ARHGAP30: variants seen among roughly 807,000 people sequenced by gnomAD.
ARHGAP30 encodes the protein Rho GTPase activating protein 30.
In ARHGAP30, 23 loss-of-function variants were observed where a neutral mutation model predicts 72.0. The ratio of observed to expected loss-of-function variants is 0.32; its 90% CI spans 0.23 to 0.45. The LOEUF (loss-of-function observed/expected upper bound fraction) is 0.45, where lower values mean the gene tolerates loss of function less well. Ranked by LOEUF, ARHGAP30 falls within the 20% of genes least tolerant of loss-of-function variation. The pLI, the probability that ARHGAP30 is intolerant of heterozygous loss-of-function variation, is 1.00. For missense variants in ARHGAP30, 1,319 were observed against 1,383.4 expected (o/e 0.95, Z 0.74); for synonymous variants, 576 against 528.2 (o/e 1.09, Z -1.24).
chr1:161,067,497 G>A (rs1046982174), intron 1 of ARHGAP30, among the ~76,000 whole-genome samples: 13 of 152,000 alleles, frequency 8.6e-5, no homozygotes, highest in African/African-American at 2.9e-4. Flanking sequence ...TTGAACCTGG[G>A]AGGCAGAGGT....
intron 1 of ARHGAP30, among the ~76,000 whole-genome samples, chr1:161,067,978 G>C (rs1456455367): frequency 7.4e-6 from 1 of 135,732 alleles, no homozygotes; most frequent in African/African-American, 2.9e-5. Context: ...GATTCACCTA[G>C]GATCAGGATT....
At chr1:161,064,136 T>G (rs1331535126) in intron 1 of ARHGAP30, among the ~76,000 whole-genome samples, 2 of 152,188 alleles carry the variant, frequency 1.3e-5, no homozygotes, top group Non-Finnish European at 2.9e-5. Flanking sequence ...CTTTTGAAAC[T>G]CTCTAATAAA....
At position 161,069,403 on chromosome 1, in the gene ARHGAP30, T is replaced by G. The variant is rs1275508866; in HGVS notation, c.97+125A>C. The G allele has an allele frequency of 1.1e-6, 1 of 895,254 alleles. No individual in the cohort carries two copies. Among genetic ancestry groups the G allele is most frequent in the Admixed American group, 2.4e-5 (1 of 41,672 alleles). The allele number at this position is 895,254 out of a possible 1,614,324, so 55.5% of individuals were successfully genotyped here. On this transcript the variant is annotated intron_variant, in intron 1 of 11. Transcript: ENST00000368013. This position sits in a 1 kb window ranked among gnomAD's most constrained non-coding sequence, Gnocchi z 4.9. ...GCCCACTTACAGTTCTCTTGAATGGTGACCCCAGGCCACTGCCCCTTCCCC... is the reference window on the plus strand; with the variant it reads ...GCCCACTTACAGTTCTCTTGAATGGGGACCCCAGGCCACTGCCCCTTCCCC...
At chr1:161,052,088 A>C (rs1651445036) in intron 9 of ARHGAP30, among the ~76,000 whole-genome samples, 198 bp downstream of exon 9, 1 of 149,796 alleles carries the variant, frequency 6.7e-6, no homozygotes, top group African/African-American at 2.5e-5. Flanking sequence ...TCCCATACGA[A>C]CACTCATCAA....
rs538155601 is a variant in ARHGAP30, at chr1:161,048,418, G to A, written c.2603C>T (p.Ala868Val). ...TTTGGCACAGTCAACCTCCAGGGAC[G>A]CTACACCTGAACCTTCAGAGAGGGT... ...EDTLSEGSGV[A>V]SLEVDCAKEG... The change falls in exon 12 of 12, where the codon GCG (alanine) becomes GTG (valine). Residue 868 changes from alanine to valine, a missense_variant. By Grantham distance (64) the Ala-to-Val change is moderately conservative. Transcript: ENST00000368013. 11 of 1,614,034 alleles carry A rather than the reference G, an allele frequency of 6.8e-6. No individual in the cohort carries two copies. The highest frequency in any genetic ancestry group is 1.6e-4 in the Middle Eastern group (1 of 6,062).
chr1:161,051,544 C>T lies in ARHGAP30; in HGVS notation c.1190G>A (p.Arg397Gln), dbSNP rs144590603. 13 of 1,614,066 alleles carry T rather than the reference C, an allele frequency of 8.1e-6. No homozygotes were observed. Among genetic ancestry groups the T allele is most frequent in the South Asian group, 2.2e-5 (2 of 91,094 alleles). Reference protein sequence around the residue: ...GTPRAGRSAIRAGGSSRAERC... With the variant: ...GTPRAGRSAIQAGGSSRAERC... ...TTCTGCACGGCTGCTGCCCCCAGCCCGGATGGCTGACCGCCCAGCTCGTGG... is the reference window on the plus strand; with the variant it reads ...TTCTGCACGGCTGCTGCCCCCAGCCTGGATGGCTGACCGCCCAGCTCGTGG... Residue 397 changes from arginine to glutamine, a missense_variant, in exon 10 of 12, where the codon CGG (arginine) becomes CAG (glutamine). This residue lies in a region of ARHGAP30 where 1,097 missense variants were observed against 1,045.2 expected (regional missense o/e 1.05). Coordinates refer to ENST00000368013, the MANE Select transcript of ARHGAP30 (RefSeq NM_001025598.2).
At chr1:161,063,800 A>C (rs944927525) in intron 1 of ARHGAP30, among the ~76,000 whole-genome samples, 2 of 151,850 alleles carry the variant, frequency 1.3e-5, no homozygotes, top group East Asian at 3.9e-4. Context: ...AGGTCTCTGA[A>C]CGCCCCCCCC....
At chr1:161,066,509 G>A (rs932978750) in intron 1 of ARHGAP30, among the ~76,000 whole-genome samples, 2 of 151,268 alleles carry the variant, frequency 1.3e-5, no homozygotes, top group South Asian at 2.1e-4. Context: ...TTAGCCAGGC[G>A]TGGTGGTGCC....
intron 10 of ARHGAP30, among the ~76,000 whole-genome samples, chr1:161,050,932 G>T (rs1651311565): frequency 6.6e-6 from 1 of 152,204 alleles, no homozygotes; most frequent in African/African-American, 2.4e-5. Flanking sequence ...ATGAGCCACG[G>T]CGCCTGGCTG....
At chr1:161,055,663 C>T (rs1429269640) in intron 3 of ARHGAP30, among the ~76,000 whole-genome samples, 1 of 149,498 alleles carries the variant, frequency 6.7e-6, no homozygotes, top group Non-Finnish European at 1.5e-5. Context: ...TTGTGGCGGG[C>T]TCTCCAGCTA....
At chr1:161,055,956 T>TAAATA (rs1330158136) in intron 3 of ARHGAP30, among the ~76,000 whole-genome samples, 29 of 127,332 alleles carry the variant, frequency 2.3e-4, no homozygotes, top group African/African-American at 8.9e-4. Context: ...TAAAATAAAA[T>TAAATA]ACCAAAGATG....
chr1:161,051,743 G>A, intron 9 of ARHGAP30, 28 bp from the exon 10 acceptor site: 1 of 1,565,428 alleles, frequency 6.4e-7, no homozygotes. Context: ...GGCCAGGTAG[G>A]CAATAGCCTA....
intron 3 of ARHGAP30, among the ~76,000 whole-genome samples, chr1:161,055,910 TA>T (rs1209972280): frequency 0.075 from 1,823 of 24,208 alleles, 48 homozygotes; most frequent in South Asian, 0.21. Context: ...TAAAATAAAA[TA>T]AAATAAAATA....
At chr1:161,055,399 A>C (rs1651748607) in intron 3 of ARHGAP30, among the ~76,000 whole-genome samples, 1 of 152,172 alleles carries the variant, frequency 6.6e-6, no homozygotes, top group Non-Finnish European at 1.5e-5. Flanking sequence ...AGGCTGAGGT[A>C]GGAGGATCAC....
At chr1:161,058,268 C>T (rs527314846) in intron 2 of ARHGAP30, among the ~76,000 whole-genome samples, 2 of 150,982 alleles carry the variant, frequency 1.3e-5, no homozygotes, top group Non-Finnish European at 2.9e-5. Flanking sequence ...GCTCAGATCA[C>T]GCCACTGCAC....
chr1:161,062,804 T>C (rs1381641607), intron 1 of ARHGAP30, among the ~76,000 whole-genome samples: 1 of 152,056 alleles, frequency 6.6e-6, no homozygotes, highest in East Asian at 1.9e-4. Context: ...ATATTATAAT[T>C]CGCCACAGTC....
At position 161,048,452 on chromosome 1, in the gene ARHGAP30, C is replaced by G. The variant is rs1651051109; in HGVS notation, c.2569G>C (p.Glu857Gln). ...GDQRAGGYYL[E>Q]EDTLSEGSGV... is the part of the protein sequence containing the mutation. ...GAACCTTCAGAGAGGGTGTCCTCTTCTAAATAGTACCCTCCAGCCCTCTGG... is the reference window on the plus strand; with the variant it reads ...GAACCTTCAGAGAGGGTGTCCTCTTGTAAATAGTACCCTCCAGCCCTCTGG... Residue 857 changes from glutamate to glutamine, a missense_variant, in exon 12 of 12, where the codon GAA becomes CAA. Coordinates refer to ENST00000368013, the MANE Select transcript of ARHGAP30 (RefSeq NM_001025598.2). The G allele has an allele frequency of 1.2e-6, 2 of 1,614,152 alleles. No homozygotes were observed. The highest frequency in any genetic ancestry group is 1.7e-6 in the Non-Finnish European group (2 of 1,180,020).
chr1:161,065,607 C>A (rs1338510185), intron 1 of ARHGAP30, among the ~76,000 whole-genome samples: 2 of 151,180 alleles, frequency 1.3e-5, no homozygotes, highest in Non-Finnish European at 2.9e-5. Context: ...TCTTGTTGCC[C>A]AGGCTGGAGA....
chr1:161,052,595 A>G (rs755753596), intron 7 of ARHGAP30, 31 bp downstream of exon 7: 1 of 1,613,938 alleles, frequency 6.2e-7, no homozygotes, highest in East Asian at 2.2e-5. Flanking sequence ...AGGTCGGTGC[A>G]GGGGAGGAAG....
Sources: gnomAD v4.1 joint callset for allele counts (sites outside exome capture counted in the v4.1 genomes callset) on GRCh38, gnomAD v4.1.1 for gene constraint, gnomAD v4.1.1 regional missense constraint, Gnocchi (gnomAD v3.1) non-coding constraint, MANE v1.5 for transcripts, NCBI Gene and HGNC (gene_info 2026-07-23, HGNC 2026-07-21) for gene names.